TNS1: variants seen among roughly 807,000 people sequenced by gnomAD.
TNS1 encodes the protein tensin-1.
TNS1 carries 62 observed loss-of-function variants against 168.6 expected under a neutral mutation model. The observed-to-expected ratio is 0.37, with a 90% CI of 0.30 to 0.45. The LOEUF is 0.45. Ranked by LOEUF, TNS1 falls within the 20% of genes least tolerant of loss-of-function variation. TNS1 has a pLI of 1.00. For missense variants in TNS1, 2,240 were observed against 2,339.4 expected (o/e 0.96, Z 0.88); for synonymous variants, 934 against 933.2 (o/e 1.00, Z -0.02).
chr2:218,006,058 A>AC (rs1169715767), upstream of TNS1, among the ~76,000 whole-genome samples: 1 of 152,188 alleles, frequency 6.6e-6, no homozygotes, highest in African/African-American at 2.4e-5. Flanking sequence ...AAGCCTCAGA[A>AC]CCCAGCCCCA....
At chr2:218,000,876 G>T (rs1203652867) in intron 1 of TNS1, among the ~76,000 whole-genome samples, 2 of 152,230 alleles carry the variant, frequency 1.3e-5, no homozygotes, top group Non-Finnish European at 2.9e-5. Context: ...TCAAGGCCAG[G>T]CGCAGTGGCT....
intron 3 of TNS1, among the ~76,000 whole-genome samples, chr2:217,934,364 A>C (rs1956489236): frequency 6.6e-6 from 1 of 152,094 alleles, no homozygotes. Context: ...GGGAGGGAGG[A>C]GCTCAGGCTG....
At chr2:217,994,542 C>T (rs1484998275) in intron 1 of TNS1, among the ~76,000 whole-genome samples, 4 of 152,216 alleles carry the variant, frequency 2.6e-5, no homozygotes, top group African/African-American at 9.7e-5. Flanking sequence ...GCCCCATATC[C>T]AGCCCTTTTC....
chr2:217,969,329 T>A (rs2126024044), intron 3 of TNS1, among the ~76,000 whole-genome samples: 1 of 152,222 alleles, frequency 6.6e-6, no homozygotes, highest in East Asian at 1.9e-4. Flanking sequence ...TCAAAATGGA[T>A]AAAAGACCTA....
chr2:217,845,641 C>A (rs1293723316), intron 19 of TNS1, among the ~76,000 whole-genome samples: 2 of 152,196 alleles, frequency 1.3e-5, no homozygotes, highest in Non-Finnish European at 2.9e-5. Context: ...CCAACAGTAT[C>A]CTTCCCTATC....
chr2:217,904,958 G>A (rs79425207), intron 6 of TNS1, among the ~76,000 whole-genome samples: 5,615 of 152,218 alleles, frequency 0.037, 204 homozygotes, highest in African/African-American at 0.084. Flanking sequence ...TCCCAGGAAG[G>A]GATGGAGTGG....
In TNS1 at chr2:217,804,584, G is replaced by C. The variant is rs774398480; in HGVS notation, c.5395C>G (p.Arg1799Gly). Residue 1799 changes from arginine (R) to glycine (G), a missense_variant, in exon 33 of 33, where the codon CGG (arginine) becomes GGG (glycine). Physicochemically the swap from Arg to Gly is moderately radical, Grantham distance 125. Transcript: ENST00000682258. ...TTGTCCGTGGTGCTGCCCTGCTTCCGGGCCACGAAGCCGAAGAGCCTGCAG... is the reference window on the plus strand; with the variant it reads ...TTGTCCGTGGTGCTGCCCTGCTTCCCGGCCACGAAGCCGAAGAGCCTGCAG... ...APAKLFGFVA[R>G]KQGSTTDNAC... The C allele has an allele frequency of 2.5e-6, 4 of 1,614,102 alleles. No homozygotes were observed. Among genetic ancestry groups the C allele is most frequent in the Admixed American group, 3.3e-5 (2 of 60,012 alleles).
At chr2:217,988,151 G>A (rs564536428) in intron 2 of TNS1, among the ~76,000 whole-genome samples, 1 of 152,144 alleles carries the variant, frequency 6.6e-6, no homozygotes, top group Non-Finnish European at 1.5e-5. Flanking sequence ...TGTAGCCCTG[G>A]CTTTCTTCCC....
chr2:217,821,654 G>A lies in TNS1; in HGVS notation c.3572+86C>T, dbSNP rs897825835. The A allele has an allele frequency of 3.1e-6, 4 of 1,301,672 alleles. No homozygotes were observed. The African/African-American group carries it at 6.2e-5, about 20-fold the overall frequency. 80.6% of individuals were successfully genotyped at this position (1,301,672 alleles called of 1,614,324 possible). ...TGCTTTCTGCCTGTCCACGCCATAG[G>A]CAACAGATCCAGGAGGCCTCACCCA... is the stretch of plus-strand genomic sequence containing the variant. On this transcript the variant is annotated intron_variant, in intron 23 of 32. Transcript: ENST00000682258.
intron 4 of TNS1, among the ~76,000 whole-genome samples, chr2:217,916,539 G>T (rs1955026583): frequency 6.6e-6 from 1 of 152,206 alleles, no homozygotes; most frequent in Admixed American, 6.5e-5. Flanking sequence ...TCAGCTCTTT[G>T]CAAGGATCAG....
At chr2:217,981,815 A>C (rs751869282) in intron 2 of TNS1, among the ~76,000 whole-genome samples, 3 of 152,150 alleles carry the variant, frequency 2.0e-5, no homozygotes, top group African/African-American at 7.2e-5. Context: ...TCTTGCTGTA[A>C]TCTCAAGTTT....
At chr2:218,013,385 A>T (rs1236879480), upstream of TNS1, among the ~76,000 whole-genome samples, 1 of 152,182 alleles carries the variant, frequency 6.6e-6, no homozygotes, top group Non-Finnish European at 1.5e-5. Flanking sequence ...GACACAGGGA[A>T]CCATGTATTA....
At chr2:217,867,957 C>G (rs1949427264) in intron 18 of TNS1, among the ~76,000 whole-genome samples, 1 of 152,232 alleles carries the variant, frequency 6.6e-6, no homozygotes, top group Non-Finnish European at 1.5e-5. Context: ...CAGGCTCTGT[C>G]AGTTATTTAT....
At chr2:217,852,593 T>G (rs564400321) in intron 18 of TNS1, among the ~76,000 whole-genome samples, 2 of 152,312 alleles carry the variant, frequency 1.3e-5, no homozygotes, top group African/African-American at 4.8e-5. Context: ...ACAGAAAAAC[T>G]ATGAAGGCAT....
intron 3 of TNS1, among the ~76,000 whole-genome samples, chr2:217,969,466 A>G (rs1355764761): frequency 6.6e-6 from 1 of 152,166 alleles, no homozygotes; most frequent in African/African-American, 2.4e-5. Context: ...AATAAACTAG[A>G]CTTCAACTAA....
At chr2:218,010,347 G>A in exon 1 of TNS1, 1 of 395,384 alleles carries the variant, frequency 2.5e-6, no homozygotes, top group East Asian at 3.6e-5. Flanking sequence ...CCCCGGAGGA[G>A]CAGCCCGTGT....
rs2571445 is a variant in TNS1 at position 217,818,431 on chromosome 2, A to T, written c.3901T>A (p.Trp1301Arg). The T allele has an allele frequency of 6.2e-7, 1 of 1,613,868 alleles. No homozygotes were observed. The highest frequency in any genetic ancestry group is 8.5e-7 in the Non-Finnish European group (1 of 1,179,922). ...GCCATGCTGGGATTGATGGCCCGCCAGCCGAAGCCAGGACTAGGGGGAGTG... is the reference window on the plus strand; with the variant it reads ...GCCATGCTGGGATTGATGGCCCGCCTGCCGAAGCCAGGACTAGGGGGAGTG... The part of the protein sequence containing the change: ...TNTPPSPGFG[W>R]RAINPSMAAP... Residue 1301 changes from tryptophan to arginine, a missense_variant, in exon 24 of 33, where the codon TGG becomes AGG. Coordinates refer to ENST00000682258, the MANE Select transcript of TNS1 (RefSeq NM_001387777.1).
At chr2:217,950,213 A>G (rs1008838193) in intron 3 of TNS1, among the ~76,000 whole-genome samples, 2 of 152,234 alleles carry the variant, frequency 1.3e-5, no homozygotes, top group Non-Finnish European at 2.9e-5. Flanking sequence ...TTTTTATTTC[A>G]GATAATAAAA....
rs963635241 is a variant in TNS1, at chr2:217,818,306, C to T, written c.4026G>A (p.Ala1342=). Residue 1342 remains alanine, a synonymous_variant, in exon 24 of 33, where the codon GCG becomes GCA. Coordinates refer to ENST00000682258, the MANE Select transcript of TNS1 (RefSeq NM_001387777.1). Reference sequence around the variant, plus strand: ...ACAGGCTGGGGCTCCCCGGGGTGGTCGCTGCACTGCTCTGGGGGCTGGAGA... The same window carrying T: ...ACAGGCTGGGGCTCCCCGGGGTGGTTGCTGCACTGCTCTGGGGGCTGGAGA... ...STVSSPQSSA[A]TTPGSPSLCR... is the part of the protein sequence containing the mutation. 11 of 1,613,488 alleles carry T rather than the reference C, an allele frequency of 6.8e-6. No homozygotes were observed. The highest frequency in any genetic ancestry group is 8.5e-6 in the Non-Finnish European group (10 of 1,179,836).
Sources: gnomAD v4.1 joint callset for allele counts (sites outside exome capture counted in the v4.1 genomes callset) on GRCh38, gnomAD v4.1.1 for gene constraint, MANE v1.5 for transcripts, NCBI Gene and HGNC (gene_info 2026-07-23, HGNC 2026-07-21) for gene names.